KCNT2: variants seen among roughly 807,000 people sequenced by gnomAD.
KCNT2 encodes the protein potassium channel subfamily T member 2.
Under a neutral mutation model 153.8 loss-of-function variants are expected in KCNT2, and 67 were observed. The ratio of observed to expected loss-of-function variants is 0.44; its 90% confidence interval spans 0.36 to 0.53. KCNT2 has a LOEUF of 0.53. Among genes scored for constraint, KCNT2 ranks in the 20% least tolerant of loss-of-function variants. The probability of loss-of-function intolerance (pLI) is 0.00; values close to 1 mark genes in which losing one functional copy is unlikely to be tolerated. For missense variants in KCNT2, 975 were observed against 1,354.8 expected (o/e 0.72, Z 4.40); for synonymous variants, 500 against 458.8 (o/e 1.09, Z -1.15).
chr1:196,445,622 A>G (rs1248349524), intron 8 of KCNT2, among the ~76,000 whole-genome samples: 1 of 151,488 alleles, frequency 6.6e-6, no homozygotes, highest in Non-Finnish European at 1.5e-5. Flanking sequence ...AAACTTTGTC[A>G]TAATGATAGC....
intron 1 of KCNT2, among the ~76,000 whole-genome samples, chr1:196,607,122 T>C (rs976671114): frequency 1.3e-5 from 2 of 152,112 alleles, no homozygotes; most frequent in Non-Finnish European, 1.5e-5. Flanking sequence ...GAGTTGGTAT[T>C]GGGAGCTGAA....
intron 13 of KCNT2, among the ~76,000 whole-genome samples, chr1:196,374,984 T>C (rs1305058051): frequency 6.6e-6 from 1 of 151,890 alleles, no homozygotes; most frequent in African/African-American, 2.4e-5. Context: ...CTTACTACAG[T>C]GCACAAACCA....
At chr1:196,442,741 G>A (rs190226769) in intron 8 of KCNT2, among the ~76,000 whole-genome samples, 3 of 151,816 alleles carry the variant, frequency 2.0e-5, no homozygotes, top group East Asian at 1.9e-4. Flanking sequence ...AAATAAAAAT[G>A]TGAGATGAGA....
At chr1:196,386,476 T>C (rs1382132440) in intron 13 of KCNT2, among the ~76,000 whole-genome samples, 2 of 152,168 alleles carry the variant, frequency 1.3e-5, no homozygotes, top group Non-Finnish European at 2.9e-5. Flanking sequence ...CTACATGTGT[T>C]GACTACCACT....
At chr1:196,560,693 G>GT (rs1553254667) in intron 1 of KCNT2, among the ~76,000 whole-genome samples, 6 of 109,996 alleles carry the variant, frequency 5.5e-5, no homozygotes, top group African/African-American at 7.7e-5. Context: ...ATGATATGAT[G>GT]TTTTTTCTTC....
chr1:196,490,767 A>C (rs1160070225), intron 2 of KCNT2, among the ~76,000 whole-genome samples: 1 of 151,874 alleles, frequency 6.6e-6, no homozygotes, highest in Admixed American at 6.6e-5. Flanking sequence ...AATATGCATA[A>C]AGTCTGATTA....
Position 196,347,832 on chromosome 1 carries a change from C to T in KCNT2, c.1404-5604G>A, listed in dbSNP as rs111234033. Among the ~76,000 whole-genome samples, 129 of 152,242 alleles carry T rather than the reference C, an allele frequency of 8.5e-4. 1 individual carries two copies. Among genetic ancestry groups the T allele is most frequent in the African/African-American group, 2.8e-3 (116 of 41,570 alleles). ...ATACTTTTCTCTCTACCTCCTATGGCGTATCCATTCTTGACCCTCAGCTTA... is the reference window on the plus strand; with the variant it reads ...ATACTTTTCTCTCTACCTCCTATGGTGTATCCATTCTTGACCCTCAGCTTA... On this transcript the variant is annotated intron_variant, in intron 14 of 27. Coordinates refer to ENST00000294725, the MANE Select transcript of KCNT2 (RefSeq NM_198503.5).
chr1:196,396,820 A>T (rs967630691), intron 13 of KCNT2, among the ~76,000 whole-genome samples: 1 of 151,528 alleles, frequency 6.6e-6, no homozygotes, highest in South Asian at 2.1e-4. Flanking sequence ...AAATAGATTA[A>T]TACAAATAGT....
intron 27 of KCNT2, among the ~76,000 whole-genome samples, chr1:196,230,773 T>C (rs895476281): frequency 2.6e-5 from 4 of 151,968 alleles, no homozygotes; most frequent in African/African-American, 9.7e-5. Flanking sequence ...TTATTTATCA[T>C]CAAATAAATT....
At chr1:196,379,347 C>A (rs926766663) in intron 13 of KCNT2, among the ~76,000 whole-genome samples, 3 of 151,890 alleles carry the variant, frequency 2.0e-5, no homozygotes, top group Admixed American at 6.6e-5. Context: ...GAGGCGGGCA[C>A]ATCATCTGAG....
At chr1:196,557,242 A>T (rs1419134989) in intron 1 of KCNT2, among the ~76,000 whole-genome samples, 3 of 151,258 alleles carry the variant, frequency 2.0e-5, no homozygotes, top group Non-Finnish European at 3.0e-5. Context: ...AAAATATCTC[A>T]TATACCCCTG....
At chr1:196,565,596 T>TAC (rs1337925817) in intron 1 of KCNT2, among the ~76,000 whole-genome samples, 1 of 148,564 alleles carries the variant, frequency 6.7e-6, no homozygotes, top group Non-Finnish European at 1.5e-5. Flanking sequence ...ATTATACATA[T>TAC]ATATATATAT....
chr1:196,596,553 T>C (rs1224963230), intron 1 of KCNT2, among the ~76,000 whole-genome samples: 1 of 152,166 alleles, frequency 6.6e-6, no homozygotes. Flanking sequence ...ATTCATGTCC[T>C]TTGCCCACTT....
chr1:196,412,620 T>C (rs1415204464), intron 12 of KCNT2, among the ~76,000 whole-genome samples: 1 of 151,356 alleles, frequency 6.6e-6, no homozygotes, highest in Non-Finnish European at 1.5e-5. Flanking sequence ...GCTCTACAAA[T>C]AACAGTTAGC....
Position 196,479,213 on chromosome 1 carries a change from A to T in KCNT2, c.350T>A (p.Phe117Tyr). ...LQVSVALISL[F>Y]ETILLGYLSY... ...AAGATAACCAAGTAATATTGTTTCA[A>T]ACAGACTTATCAATGCCACTGAAAC... The change falls in exon 5 of 28, where the codon TTT becomes TAT. Residue 117 changes from phenylalanine (F) to tyrosine (Y), a missense_variant. Around this residue, in one of 6 missense-constraint regions of KCNT2, gnomAD observed 140 missense variants for 216.0 expected, o/e 0.65. Coordinates refer to ENST00000294725, the MANE Select transcript of KCNT2 (RefSeq NM_198503.5). 1 of 1,575,952 alleles carries T rather than the reference A, an allele frequency of 6.3e-7. No individual in the cohort carries two copies.
In KCNT2 at chr1:196,463,180, T is replaced by C. The variant is rs191661062; in HGVS notation, c.638+2113A>G. Among the ~76,000 whole-genome samples the C allele has an allele frequency of 1.4e-3, 219 of 151,958 alleles. 2 individuals carry two copies. Among genetic ancestry groups the C allele is most frequent in the African/African-American group, 5.1e-3 (212 of 41,532 alleles). On this transcript the variant is annotated intron_variant, in intron 8 of 27. Transcript: ENST00000294725. ...TCTATTTGTTTAAGTTGCTGTATTT[T>C]TGTGGATATTTCTATTTTACATTGT...
intron 12 of KCNT2, among the ~76,000 whole-genome samples, chr1:196,399,993 T>G (rs2148444958): frequency 6.6e-6 from 1 of 151,940 alleles, no homozygotes; most frequent in South Asian, 2.1e-4. Context: ...ATCCACCCAG[T>G]CTATGCTATT....
chr1:196,257,413 C>A, intron 26 of KCNT2: 1 of 972,164 alleles, frequency 1.0e-6, no homozygotes, highest in Non-Finnish European at 1.2e-6. Context: ...CTATTTGATT[C>A]TTAACTTGCA....
At chr1:196,608,132 C>T in intron 1 of KCNT2, 83 bp downstream of exon 1, 3 of 1,248,140 alleles carry the variant, frequency 2.4e-6, no homozygotes, top group Non-Finnish European at 3.5e-6. Context: ...TTCCTTTTCT[C>T]CCTCCTTTCC....
Sources: gnomAD v4.1 joint callset for allele counts (sites outside exome capture counted in the v4.1 genomes callset) on GRCh38, gnomAD v4.1.1 for gene constraint, gnomAD v4.1.1 regional missense constraint, MANE v1.5 for transcripts, NCBI Gene and HGNC (gene_info 2026-07-23, HGNC 2026-07-21) for gene names.